Variants in SNX25 observed in about 807,000 individuals in gnomAD.
The protein encoded by SNX25 is sorting nexin 25, also known as sorting nexin-25.
SNX25 carries 62 observed loss-of-function variants against 113.7 expected under a neutral mutation model. The observed-to-expected ratio is 0.55, with a 90% confidence interval of 0.44 to 0.67. SNX25 has a LOEUF of 0.67. Among genes scored for constraint, SNX25 ranks in the 30% least tolerant of loss-of-function variants. SNX25 has a pLI of 0.00. For missense variants in SNX25, 1,014 were observed against 1,161.0 expected (o/e 0.87, Z 1.84); for synonymous variants, 421 against 436.2 (o/e 0.97, Z 0.43).
intron 16 of SNX25, among the ~76,000 whole-genome samples, chr4:185,359,930 C>T (rs142558613): frequency 6.6e-6 from 1 of 152,110 alleles, no homozygotes. Flanking sequence ...TATCAAGTAG[C>T]GATCATGGCG....
Position 185,258,872 on chromosome 4 carries a change from A to G in SNX25, c.539A>G (p.Tyr180Cys). The G allele has an allele frequency of 6.2e-7, 1 of 1,613,918 alleles. No individual in the cohort carries two copies. The highest frequency in any genetic ancestry group is 1.1e-5 in the South Asian group (1 of 91,076). ...KEVFDYSYRD[Y>C]ILSWYGNLSR... The stretch of plus-strand genomic sequence containing the variant: ...GTGTTCGACTACAGTTATAGAGATT[A>G]CATTCTGTCCTGGTATGGAAACCTC... The change falls in exon 3 of 19, where the codon TAC becomes TGC. Residue 180 changes from tyrosine to cysteine, a missense_variant. Coordinates refer to ENST00000652585, the MANE Select transcript of SNX25 (RefSeq NM_001378034.2).
intron 13 of SNX25, among the ~76,000 whole-genome samples, chr4:185,350,622 G>GGAGGCT (rs2095310297): frequency 1.3e-5 from 2 of 152,300 alleles, no homozygotes; most frequent in East Asian, 3.9e-4. Flanking sequence ...CAGCACTTTG[G>GGAGGCT]GAGGCTGAGG....
rs538137764 is a variant in SNX25 at position 185,272,348 on chromosome 4, C to G, written c.1091+5193C>G. The stretch of plus-strand genomic sequence containing the variant: ...AATAGACTGAGTGTTCCCTTGTTTT[C>G]AAGATAAAGTGGGGTCAAAGCAAAC... On this transcript the variant is annotated intron_variant, in intron 5 of 18. Coordinates refer to ENST00000652585, the MANE Select transcript of SNX25 (RefSeq NM_001378034.2). Among the ~76,000 whole-genome samples, 4 of 152,214 alleles carry G rather than the reference C, an allele frequency of 2.6e-5. No individual in the cohort carries two copies. In the South Asian group the frequency reaches 8.3e-4, roughly 32 times the overall value.
chr4:185,288,408 T>A (rs1439678605), intron 6 of SNX25, among the ~76,000 whole-genome samples: 2 of 152,188 alleles, frequency 1.3e-5, no homozygotes, highest in African/African-American at 4.8e-5. Flanking sequence ...CATATTGAAA[T>A]TTAATATTTC....
At chr4:185,216,513 GTTT>G (rs34410263) in intron 1 of SNX25, among the ~76,000 whole-genome samples, 14 of 96,720 alleles carry the variant, frequency 1.4e-4, no homozygotes, top group South Asian at 3.9e-4. Context: ...TGTGTATTTG[GTTT>G]TTTTTTTTTT....
In SNX25 at chr4:185,210,834, A is replaced by G. The variant is rs1348940996; in HGVS notation, c.429+579A>G. Among the ~76,000 whole-genome samples the G allele has an allele frequency of 6.6e-6, 1 of 151,958 alleles. No homozygotes were observed. The highest frequency in any genetic ancestry group is 1.9e-4 in the East Asian group (1 of 5,174). ...CTGGCTTCTGTGATTTGGAAGGGGGATGCCAGAAATCACTGGTTTGCAACA... is the reference window on the plus strand; with the variant it reads ...CTGGCTTCTGTGATTTGGAAGGGGGGTGCCAGAAATCACTGGTTTGCAACA... On this transcript the variant is annotated intron_variant, in intron 1 of 18. Coordinates refer to ENST00000652585, the MANE Select transcript of SNX25 (RefSeq NM_001378034.2). The surrounding 1 kb of genome is among the most constrained non-coding windows in gnomAD (Gnocchi z 4.4).
At chr4:185,320,896 C>T (rs752226330) in intron 8 of SNX25, 32 bp downstream of exon 8, 18 of 1,533,272 alleles carry the variant, frequency 1.2e-5, no homozygotes, top group Admixed American at 2.1e-5. Context: ...GAATATTAAT[C>T]ACTAGCTGAT....
chr4:185,277,705 T>C (rs537955294), intron 5 of SNX25, among the ~76,000 whole-genome samples: 1 of 151,584 alleles, frequency 6.6e-6, no homozygotes, highest in African/African-American at 2.4e-5. Flanking sequence ...ATGATGAGTT[T>C]TGAGTACTTA....
At chr4:185,376,842 A>C in the SNX25 span, 1 of 1,118,818 alleles carries the variant, frequency 8.9e-7, no homozygotes, top group Non-Finnish European at 1.3e-6. Context: ...ACTCTACATG[A>C]AATTTTTGTC....
chr4:185,369,725 C>G (rs2095408440), intron 11 of SNX25: 1 of 438,080 alleles, frequency 2.3e-6, no homozygotes, highest in Non-Finnish European at 4.5e-6. Flanking sequence ...GGTTCCCAAA[C>G]TTACCTGACA....
intron 5 of SNX25, among the ~76,000 whole-genome samples, chr4:185,269,305 A>G (rs1269509312): frequency 6.6e-6 from 1 of 152,138 alleles, no homozygotes; most frequent in East Asian, 1.9e-4. Flanking sequence ...ATGCTATTCA[A>G]ACCTATACTC....
intron 2 of SNX25, among the ~76,000 whole-genome samples, chr4:185,251,598 C>CGTGTGTGTGT (rs71593618): frequency 1.2e-4 from 17 of 147,270 alleles, no homozygotes; most frequent in East Asian, 2.0e-4. Flanking sequence ...TATTCCATTG[C>CGTGTGTGTGT]GTGTGTGTGT....
intron 6 of SNX25, among the ~76,000 whole-genome samples, chr4:185,299,224 C>G (rs2692593): frequency 6.6e-6 from 1 of 151,964 alleles, no homozygotes. Flanking sequence ...GCGGCACATG[C>G]GCATAGAAAA....
intron 6 of SNX25, among the ~76,000 whole-genome samples, chr4:185,303,397 C>T (rs1056640776): frequency 2.0e-5 from 3 of 152,106 alleles, no homozygotes; most frequent in African/African-American, 7.2e-5. Flanking sequence ...TGGTGGCTCA[C>T]GCCTGTAATC....
intron 2 of SNX25, among the ~76,000 whole-genome samples, chr4:185,251,166 T>C (rs1381578438): frequency 2.6e-5 from 4 of 152,124 alleles, no homozygotes; most frequent in Admixed American, 1.3e-4. Context: ...AGCTAATTTT[T>C]GTATTTTTAG....
rs769042633 is a variant in SNX25, at chr4:185,332,619, G to T, written c.1774G>T (p.Glu592Ter). ...GGGCCCAAGAGATGAGGCTGGTGAGGAAGCCGTGGATGATGGTACCAATCA... is the reference window on the plus strand; with the variant it reads ...GGGCCCAAGAGATGAGGCTGGTGAGTAAGCCGTGGATGATGGTACCAATCA... ...EMGPRDEAGE[E>*]AVDDGTNQIN... Residue 592 changes from glutamate to a stop codon, truncating the protein, a stop_gained, in exon 10 of 19, where the codon GAA becomes TAA. Coordinates refer to ENST00000652585, the MANE Select transcript of SNX25 (RefSeq NM_001378034.2). LOFTEE classifies it high-confidence loss of function. 1.2e-6 allele frequency: 2 copies of T among 1,613,500 alleles called. No individual in the cohort carries two copies. Among genetic ancestry groups the T allele is most frequent in the Non-Finnish European group, 1.7e-6 (2 of 1,179,660 alleles).
chr4:185,357,141 C>T (rs989962305), intron 15 of SNX25, among the ~76,000 whole-genome samples: 2 of 152,168 alleles, frequency 1.3e-5, no homozygotes, highest in Non-Finnish European at 1.5e-5. Context: ...CATTCAGGGT[C>T]CTGCCTCTTC....
intron 5 of SNX25, among the ~76,000 whole-genome samples, chr4:185,287,262 C>T (rs953380448): frequency 1.6e-4 from 25 of 152,310 alleles, no homozygotes; most frequent in Non-Finnish European, 2.9e-4. Flanking sequence ...CTTAGGCACA[C>T]ATATATATAG....
rs150168077 is a variant in SNX25 at position 185,334,173 on chromosome 4, T to C, written c.1914+1414T>C. On this transcript the variant is annotated intron_variant, in intron 10 of 18. Coordinates refer to ENST00000652585, the MANE Select transcript of SNX25 (RefSeq NM_001378034.2). The surrounding 1 kb of genome is among the most constrained non-coding windows in gnomAD (Gnocchi z 4.2). ...GGCCAACATGATGAAACCCTGTGTCTACTAAAAATACAAAAATTAGCCAGG... is the reference window on the plus strand; with the variant it reads ...GGCCAACATGATGAAACCCTGTGTCCACTAAAAATACAAAAATTAGCCAGG... 0.031 allele frequency among the ~76,000 whole-genome samples: 4,645 copies of C among 152,096 alleles called. 104 individuals carry two copies. The highest frequency in any genetic ancestry group is 0.043 in the Non-Finnish European group (2,940 of 67,990).
Sources: allele counts gnomAD v4.1 joint callset (sites outside exome capture counted in the v4.1 genomes callset), GRCh38; gene constraint gnomAD v4.1.1; non-coding constraint Gnocchi (gnomAD v3.1); transcripts MANE v1.5; gene names NCBI Gene and HGNC (gene_info 2026-07-23, HGNC 2026-07-21).